The following PHIP variants were observed in gnomAD, a reference collection of about 807,000 sequenced individuals.
The protein encoded by PHIP is PH-interacting protein.
Under a neutral mutation model 236.8 loss-of-function variants are expected in PHIP, and 54 were observed. That is an observed-to-expected ratio of 0.23 (90% confidence interval 0.18 to 0.29). The LOEUF is 0.29. Ranked by LOEUF, PHIP falls within the 10% of genes least tolerant of loss-of-function variation. The pLI is 1.00. For synonymous variants in PHIP, 756 were observed against 718.9 expected, an observed-to-expected ratio of 1.05 and a Z score of -0.83; for missense variants, 1,370 against 2,190.8, an observed-to-expected ratio of 0.63 and a Z score of 7.48.
chr6:79,016,758 C>G, intron 12 of PHIP, 116 bp from the exon 13 acceptor site: 1 of 604,748 alleles, frequency 1.7e-6, no homozygotes, highest in Non-Finnish European at 2.9e-6. Context: ...ATGCAGCATT[C>G]TAATAACTTC....
intron 39 of PHIP, among the ~76,000 whole-genome samples, chr6:78,944,458 A>G (rs542376685): frequency 3.3e-5 from 5 of 152,194 alleles, no homozygotes; most frequent in Non-Finnish European, 7.4e-5. Flanking sequence ...AAAATAGTCC[A>G]AGCAAGAAAT....
At position 79,032,328 on chromosome 6, in the gene PHIP, A is replaced by G. The variant is rs1771717347; in HGVS notation, c.601-6164T>C. Among the ~76,000 whole-genome samples, 2 of 152,166 alleles carry G rather than the reference A, an allele frequency of 1.3e-5. 1 individual carries two copies. The highest frequency in any genetic ancestry group is 4.8e-5 in the African/African-American group (2 of 41,436). ...GCATCCATTGGACTCTTCCTTTCACAAGAGATTTCTCTGCAGCATGGAATG... is the reference window on the plus strand; with the variant it reads ...GCATCCATTGGACTCTTCCTTTCACGAGAGATTTCTCTGCAGCATGGAATG... On this transcript the variant is annotated intron_variant, in intron 7 of 39. Transcript: ENST00000275034.
chr6:79,000,518 A>C (rs1769914217), intron 17 of PHIP, among the ~76,000 whole-genome samples: 1 of 152,110 alleles, frequency 6.6e-6, no homozygotes, highest in Admixed American at 6.6e-5. Flanking sequence ...AATGGATTTA[A>C]AAAGTAATAA....
chr6:78,992,865 C>T (rs978463519), intron 19 of PHIP, among the ~76,000 whole-genome samples: 1 of 152,304 alleles, frequency 6.6e-6, no homozygotes, highest in East Asian at 1.9e-4. Flanking sequence ...GTGAAAACAT[C>T]TCTCACTTTA....
rs545254847 is a variant in PHIP, at chr6:78,967,978, CAA to C, written c.3205+1855_3205+1856del. On this transcript the variant is annotated intron_variant, in intron 27 of 39. Coordinates refer to ENST00000275034, the MANE Select transcript of PHIP (RefSeq NM_017934.7). Reference sequence around the variant, plus strand: ...TGAAACCCTGTCTCTACTAAAAATACAAAAAAAAAATTAGCCAGGCGTGGTGG... The same window carrying C: ...TGAAACCCTGTCTCTACTAAAAATACAAAAAAAATTAGCCAGGCGTGGTGG... 6.5e-4 allele frequency among the ~76,000 whole-genome samples: 96 copies of C among 147,440 alleles called. 1 individual carries two copies. The South Asian group carries it at 8.2e-3, about 13-fold the overall frequency.
chr6:78,971,686 C>T lies in PHIP; in HGVS notation c.2890-798G>A, dbSNP rs560145460. Among the ~76,000 whole-genome samples the T allele has an allele frequency of 1.1e-3, 172 of 152,126 alleles. 1 individual carries two copies. Among genetic ancestry groups the T allele is most frequent in the Middle Eastern group, 6.8e-3 (2 of 294 alleles). ...GTGGGTGCGCGCACCGTGTGCGAGC[C>T]GAAGTAGGGTGAGGCATTGCCTCAC... On this transcript the variant is annotated intron_variant, in intron 24 of 39. Coordinates refer to ENST00000275034, the MANE Select transcript of PHIP (RefSeq NM_017934.7).
At chr6:79,007,523 A>G (rs1770347981) in intron 15 of PHIP, among the ~76,000 whole-genome samples, 1 of 152,138 alleles carries the variant, frequency 6.6e-6, no homozygotes, top group Admixed American at 6.5e-5. Context: ...CAGAGAGTGA[A>G]TATGAGAAGT....
chr6:79,063,560 C>T (rs1344141920), intron 4 of PHIP, among the ~76,000 whole-genome samples: 4 of 151,974 alleles, frequency 2.6e-5, no homozygotes, highest in East Asian at 1.9e-4. Flanking sequence ...GAATTACAGG[C>T]GCCCCACCAC....
At chr6:78,968,556 G>A (rs1767306727) in intron 27 of PHIP, among the ~76,000 whole-genome samples, 1 of 152,146 alleles carries the variant, frequency 6.6e-6, no homozygotes, top group Non-Finnish European at 1.5e-5. Flanking sequence ...GGAGGTCCTG[G>A]AAGTAATTCC....
intron 24 of PHIP, among the ~76,000 whole-genome samples, chr6:78,976,396 A>C (rs1768064698): frequency 7.9e-6 from 1 of 125,940 alleles, no homozygotes; most frequent in Non-Finnish European, 1.7e-5. Context: ...AAAGACTTAA[A>C]CGTTAGACCT....
In PHIP at chr6:78,938,740, T is replaced by C. The variant is rs1032606937; in HGVS notation, c.*1953A>G. ...AACCTGAAAAATTTGAAATTATTTT[T>C]CAACTGCAAAATCTCAGCAATGCAG... On this transcript the variant is annotated 3_prime_UTR_variant, in exon 40 of 40. Coordinates refer to ENST00000275034, the MANE Select transcript of PHIP (RefSeq NM_017934.7). The C allele has an allele frequency of 1.3e-5, 2 of 151,676 alleles. No individual in the cohort carries two copies. Among genetic ancestry groups the C allele is most frequent in the African/African-American group, 4.8e-5 (2 of 41,404 alleles). The allele number at this position is 151,676 out of a possible 1,614,324, so 9.4% of individuals were successfully genotyped here.
In PHIP at chr6:78,941,191, G is replaced by A; in HGVS notation, c.4968C>T (p.His1656=). ...TTTTGGGCTTTCTACCCCTTTTCTTGTGTATAATTTCACCACTATTGGTAT... is the reference window on the plus strand; with the variant it reads ...TTTTGGGCTTTCTACCCCTTTTCTTATGTATAATTTCACCACTATTGGTAT... ...EVNTNSGEII[H]KKRGRKPKKL... The change falls in exon 40 of 40, where the codon CAC becomes CAT. Residue 1656 remains histidine, a synonymous_variant. Coordinates refer to ENST00000275034, the MANE Select transcript of PHIP (RefSeq NM_017934.7). The A allele has an allele frequency of 6.2e-7, 1 of 1,613,760 alleles. No individual in the cohort carries two copies. The highest frequency in any genetic ancestry group is 1.7e-5 in the Admixed American group (1 of 60,002).
chr6:79,061,696 T>C (rs905868941), intron 4 of PHIP, among the ~76,000 whole-genome samples: 4 of 152,278 alleles, frequency 2.6e-5, no homozygotes, highest in East Asian at 1.9e-4. Context: ...TAAATACCAA[T>C]AGATTATAAG....
intron 15 of PHIP, among the ~76,000 whole-genome samples, chr6:79,010,738 G>C (rs1312439591): frequency 1.3e-5 from 2 of 151,780 alleles, no homozygotes; most frequent in East Asian, 3.9e-4. Context: ...CTAAAAACAT[G>C]GGGTCTACAA....
chr6:78,980,251 G>GA (rs146790166), intron 23 of PHIP, among the ~76,000 whole-genome samples: 40,255 of 151,654 alleles, frequency 0.27, 5,674 homozygotes, highest in Non-Finnish European at 0.31. Context: ...GCCTTCTGTA[G>GA]AAAAAATCTG....
In PHIP at chr6:79,000,441, C is replaced by T. The variant is rs181552169; in HGVS notation, c.1879+1458G>A. On this transcript the variant is annotated intron_variant, in intron 17 of 39. Transcript: ENST00000275034. ...CCATTAAATTTTGAATTCTCTCAAC[C>T]TGCAGGACTGGAATATCAAAGATAC... Among the ~76,000 whole-genome samples, 95 of 152,114 alleles carry T rather than the reference C, an allele frequency of 6.2e-4. 1 individual carries two copies. The South Asian group carries it at 7.9e-3, about 13-fold the overall frequency.
Position 79,078,057 on chromosome 6 carries a change from C to G in PHIP, c.12G>C (p.Glu4Asp), listed in dbSNP as rs922513276. ...ATCGCAGCTCCGAGAGGCCTTTCCTCTCACAAGACATGTTTATGGGTCACT... is the reference window on the plus strand; with the variant it reads ...ATCGCAGCTCCGAGAGGCCTTTCCTGTCACAAGACATGTTTATGGGTCACT... The part of the protein sequence containing the change: MSC[E>D]RKGLSELRSE... The change falls in exon 1 of 40, where the codon GAG becomes GAC. Residue 4 changes from glutamate (E) to aspartate (D), a missense_variant. Glu to Asp is a conservative substitution (Grantham distance 45). Coordinates refer to ENST00000275034, the MANE Select transcript of PHIP (RefSeq NM_017934.7). 27 of 1,609,378 alleles carry G rather than the reference C, an allele frequency of 1.7e-5. No individual in the cohort carries two copies. The highest frequency in any genetic ancestry group is 2.1e-5 in the Non-Finnish European group (25 of 1,179,464).
Position 78,993,295 on chromosome 6 carries a change from C to A in PHIP, c.2202-2310G>T, listed in dbSNP as rs552173965. 2.0e-5 allele frequency among the ~76,000 whole-genome samples: 3 copies of A among 152,326 alleles called. No individual in the cohort carries two copies. In the South Asian group the frequency reaches 6.2e-4, roughly 32 times the overall value. On this transcript the variant is annotated intron_variant, in intron 19 of 39. Coordinates refer to ENST00000275034, the MANE Select transcript of PHIP (RefSeq NM_017934.7). ...GAAGCAGCAAGTGCTGATGAAGTAG[C>A]TGCAGCAATTTATCCAGAATAACTA... is the stretch of plus-strand genomic sequence containing the variant.
intron 4 of PHIP, among the ~76,000 whole-genome samples, chr6:79,071,188 A>T (rs1390021652): frequency 4.6e-5 from 7 of 152,248 alleles, no homozygotes; most frequent in Admixed American, 4.6e-4. Flanking sequence ...AGGTAAATAA[A>T]GGAGGACCTG....
Sources: gnomAD v4.1 joint callset for allele counts (sites outside exome capture counted in the v4.1 genomes callset) on GRCh38, gnomAD v4.1.1 for gene constraint, MANE v1.5 for transcripts, NCBI Gene and HGNC (gene_info 2026-07-23, HGNC 2026-07-21) for gene names.